The following DYNC1I1 variants were observed in gnomAD, a reference collection of about 807,000 sequenced individuals.
DYNC1I1 encodes cytoplasmic dynein 1 intermediate chain 1.
Under a neutral mutation model 86.6 loss-of-function variants are expected in DYNC1I1, and 43 were observed. The observed-to-expected ratio is 0.50, with a 90% confidence interval of 0.39 to 0.64. The LOEUF (loss-of-function observed/expected upper bound fraction) is 0.64. Ranked by LOEUF, DYNC1I1 falls within the 30% of genes least tolerant of loss-of-function variation. DYNC1I1 has a pLI of 0.00. For missense variants in DYNC1I1, 604 were observed against 788.8 expected (o/e 0.77, Z 2.81); for synonymous variants, 262 against 283.7 (o/e 0.92, Z 0.77).
chr7:95,859,327 T>C (rs1789813392), intron 5 of DYNC1I1, among the ~76,000 whole-genome samples: 1 of 152,100 alleles, frequency 6.6e-6, no homozygotes, highest in African/African-American at 2.4e-5. Flanking sequence ...TTCTGTAGGG[T>C]CAGTCACTGG....
Position 95,993,608 on chromosome 7 carries a change from G to C in DYNC1I1, c.844-2340G>C, listed in dbSNP as rs183774970. Among the ~76,000 whole-genome samples the C allele has an allele frequency of 1.8e-3, 272 of 152,280 alleles. 5 individuals carry two copies. In the Middle Eastern group the frequency reaches 0.027, roughly 15 times the overall value. On this transcript the variant is annotated intron_variant, in intron 9 of 16. Coordinates refer to ENST00000447467, the MANE Select transcript of DYNC1I1 (RefSeq NM_001135556.2). ...ATAGGCCTTTGATTCATCCGCTGCA[G>C]AGTGTTTTTTAATAAAGAATGATTA...
intron 9 of DYNC1I1, among the ~76,000 whole-genome samples, chr7:95,988,377 A>T (rs1252518305): frequency 6.6e-6 from 1 of 151,980 alleles, no homozygotes; most frequent in Non-Finnish European, 1.5e-5. Context: ...AAAAACAAAA[A>T]CCTGATCTCT....
chr7:95,826,395 T>C (rs1795203978), intron 4 of DYNC1I1, among the ~76,000 whole-genome samples: 1 of 152,216 alleles, frequency 6.6e-6, no homozygotes, highest in Admixed American at 6.5e-5. Flanking sequence ...GATAGAGTGA[T>C]TGTGGCAGTA....
intron 5 of DYNC1I1, among the ~76,000 whole-genome samples, chr7:95,851,146 G>T (rs1221827050): frequency 2.0e-5 from 3 of 152,104 alleles, no homozygotes; most frequent in African/African-American, 7.2e-5. Flanking sequence ...TGTTGCCCAG[G>T]CTGGTCTCAA....
At chr7:95,907,184 C>A (rs1317009251) in intron 6 of DYNC1I1, among the ~76,000 whole-genome samples, 3 of 152,118 alleles carry the variant, frequency 2.0e-5, no homozygotes, top group Admixed American at 6.6e-5. Context: ...TCCCACACTT[C>A]TCAGGTAATG....
intron 16 of DYNC1I1, among the ~76,000 whole-genome samples, chr7:96,108,677 G>C (rs1434069465): frequency 1.3e-5 from 2 of 151,616 alleles, no homozygotes; most frequent in African/African-American, 2.4e-5. Flanking sequence ...GCCTGGCCAA[G>C]ATGGTAAAAC....
intron 16 of DYNC1I1, among the ~76,000 whole-genome samples, chr7:96,084,012 T>C (rs1790600330): frequency 6.6e-6 from 1 of 152,172 alleles, no homozygotes; most frequent in African/African-American, 2.4e-5. Flanking sequence ...TGGGAAGACA[T>C]CTCATATTCA....
intron 14 of DYNC1I1, among the ~76,000 whole-genome samples, chr7:96,066,874 A>G (rs974469586): frequency 1.3e-5 from 2 of 152,190 alleles, no homozygotes; most frequent in Admixed American, 6.5e-5. Context: ...TGAGAACAAA[A>G]TCAGTTCCTG....
At chr7:95,916,663 T>A (rs1791476063) in intron 6 of DYNC1I1, among the ~76,000 whole-genome samples, 1 of 152,198 alleles carries the variant, frequency 6.6e-6, no homozygotes, top group Non-Finnish European at 1.5e-5. Flanking sequence ...TTCATTGTTT[T>A]TTTGACATAC....
rs36057070 is a variant in DYNC1I1, at chr7:95,879,379, CT to C, written c.490+9390del. Among the ~76,000 whole-genome samples the C allele has an allele frequency of 8.6e-5, 13 of 151,010 alleles. 1 individual carries two copies. Among genetic ancestry groups the C allele is most frequent in the South Asian group, 8.4e-4 (4 of 4,780 alleles). ...TTATTTACAGAAATTCTCCATTGTT[CT>C]TTTTTTTTGCTGAAATCCTGTAGTC... On this transcript the variant is annotated intron_variant, in intron 6 of 16. Transcript: ENST00000447467.
chr7:95,843,121 T>C (rs1425723348), intron 5 of DYNC1I1, among the ~76,000 whole-genome samples: 1 of 152,184 alleles, frequency 6.6e-6, no homozygotes, highest in South Asian at 2.1e-4. Context: ...CCAGTTTGAC[T>C]GGCGTGAACA....
At chr7:95,862,688 G>A (rs769680049) in intron 5 of DYNC1I1, among the ~76,000 whole-genome samples, 17 of 152,114 alleles carry the variant, frequency 1.1e-4, no homozygotes, top group Non-Finnish European at 2.5e-4. Flanking sequence ...ATGTGACCCA[G>A]CAGCTCCACT....
chr7:96,021,153 G>A (rs937343785), intron 10 of DYNC1I1, among the ~76,000 whole-genome samples: 1 of 152,108 alleles, frequency 6.6e-6, no homozygotes, highest in Non-Finnish European at 1.5e-5. Context: ...ACTTGAAAAT[G>A]GTTAAGATGA....
intron 1 of DYNC1I1, among the ~76,000 whole-genome samples, chr7:95,789,730 T>C (rs1794243723): frequency 6.6e-6 from 1 of 152,202 alleles, no homozygotes; most frequent in Non-Finnish European, 1.5e-5. Flanking sequence ...GATCTGTGGG[T>C]GTCATGACAT....
chr7:95,825,591 T>G (rs1795187092), intron 4 of DYNC1I1, among the ~76,000 whole-genome samples: 1 of 152,186 alleles, frequency 6.6e-6, no homozygotes, highest in African/African-American at 2.4e-5. Context: ...CTAATTTTCT[T>G]CAGCAGAGAA....
chr7:95,842,248 A>G (rs1789304687), intron 5 of DYNC1I1, among the ~76,000 whole-genome samples: 1 of 152,188 alleles, frequency 6.6e-6, no homozygotes, highest in Admixed American at 6.5e-5. Context: ...ACGGAGAGAC[A>G]GCTAATGCCC....
chr7:95,981,491 A>C (rs968166959), intron 7 of DYNC1I1, among the ~76,000 whole-genome samples: 12 of 152,134 alleles, frequency 7.9e-5, no homozygotes, highest in Admixed American at 2.0e-4. Flanking sequence ...TCTGAATTTC[A>C]TGTATTCTGT....
rs1584199543 is a variant in DYNC1I1, at chr7:95,958,264, T to G, written c.491-19248T>G. 3.9e-5 allele frequency among the ~76,000 whole-genome samples: 6 copies of G among 152,212 alleles called. 1 individual carries two copies. Among genetic ancestry groups the G allele is most frequent in the Admixed American group, 3.9e-4 (6 of 15,278 alleles). ...TAACTTTCTTCTATGATTAAGAAAA[T>G]TATATGATTAAGAAAGGTAAATGAT... On this transcript the variant is annotated intron_variant, in intron 6 of 16. Coordinates refer to ENST00000447467, the MANE Select transcript of DYNC1I1 (RefSeq NM_001135556.2).
intron 6 of DYNC1I1, among the ~76,000 whole-genome samples, chr7:95,961,793 A>G (rs1156759117): frequency 6.6e-6 from 1 of 152,208 alleles, no homozygotes; most frequent in East Asian, 1.9e-4. Flanking sequence ...CTACCAGAGC[A>G]TACTTATTTT....
Sources: gnomAD v4.1 joint callset for allele counts (sites outside exome capture counted in the v4.1 genomes callset) on GRCh38, gnomAD v4.1.1 for gene constraint, MANE v1.5 for transcripts, NCBI Gene and HGNC (gene_info 2026-07-23, HGNC 2026-07-21) for gene names.